PPP1R3B: variants seen among roughly 807,000 people sequenced by gnomAD.
PPP1R3B encodes protein phosphatase 1 regulatory subunit 3B.
PPP1R3B carries 8 observed loss-of-function variants against 14.6 expected under a neutral mutation model. The ratio of observed to expected loss-of-function variants is 0.55; its 90% CI spans 0.32 to 0.99. The LOEUF is 0.99. PPP1R3B is among the 50% of genes least tolerant of loss of function. PPP1R3B has a pLI of 0.04. For synonymous variants in PPP1R3B, 169 were observed against 142.0 expected (o/e 1.19, Z -1.35); for missense variants, 452 against 360.1 (o/e 1.26, Z -2.07).
At chr8:9,147,823 G>A (rs1040564063) in intron 1 of PPP1R3B, among the ~76,000 whole-genome samples, 2 of 151,940 alleles carry the variant, frequency 1.3e-5, no homozygotes, top group Non-Finnish European at 2.9e-5. Context: ...GAGCCAAACT[G>A]CTATTACAAG....
At chr8:9,149,597 A>C (rs1801354786) in intron 1 of PPP1R3B, among the ~76,000 whole-genome samples, 1 of 152,214 alleles carries the variant, frequency 6.6e-6, no homozygotes, top group African/African-American at 2.4e-5. Flanking sequence ...TTCAGTAAAC[A>C]TTCACAACCA....
intron 1 of PPP1R3B, among the ~76,000 whole-genome samples, chr8:9,149,031 C>CAA (rs879335595): frequency 6.1e-4 from 79 of 129,722 alleles, no homozygotes; most frequent in African/African-American, 1.9e-3. Flanking sequence ...ACTAAAAATA[C>CAA]AAAAAAAAAA....
rs756245177 is a variant in PPP1R3B, at chr8:9,141,398, G to A, written c.254C>T (p.Pro85Leu). ...MVKVFSEFDDPLDMPFNITEL... is the reference protein window; with the variant it reads ...MVKVFSEFDDLLDMPFNITEL... ...GGTGATGTTGAATGGCATATCTAGC[G>A]GGTCATCGAATTCCGAGAACACTTT... Residue 85 changes from proline (P) to leucine (L), a missense_variant, in exon 2 of 2, where the codon CCG (proline) becomes CTG (leucine). Transcript: ENST00000310455. The A allele has an allele frequency of 2.2e-5, 36 of 1,614,002 alleles. No homozygotes were observed. The Admixed American group carries it at 3.5e-4, about 16-fold the overall frequency.
At chr8:9,143,423 G>C (rs1286682556) in intron 1 of PPP1R3B, among the ~76,000 whole-genome samples, 1 of 152,118 alleles carries the variant, frequency 6.6e-6, no homozygotes, top group Non-Finnish European at 1.5e-5. Flanking sequence ...GAACCAGCAG[G>C]CCTGGGCGGT....
At position 9,137,931 on chromosome 8, in the gene PPP1R3B, G is replaced by A. The variant is rs772699450; in HGVS notation, c.*2863C>T. ...GGGAGGGTTTACGGCTGCTTTAGAA[G>A]AGATAGTTATCACTGAATTACCATA... On this transcript the variant is annotated 3_prime_UTR_variant, in exon 2 of 2. Transcript: ENST00000310455. 11 of 152,164 alleles carry A rather than the reference G, an allele frequency of 7.2e-5. No individual in the cohort carries two copies. The highest frequency in any genetic ancestry group is 2.7e-4 in the African/African-American group (11 of 41,440). 9.4% of individuals were successfully genotyped at this position (152,164 alleles called of 1,614,324 possible).
At chr8:9,144,221 T>A (rs1393496073) in intron 1 of PPP1R3B, among the ~76,000 whole-genome samples, 1 of 151,014 alleles carries the variant, frequency 6.6e-6, no homozygotes, top group Non-Finnish European at 1.5e-5. Context: ...TGGGTCTTAC[T>A]CTGTCACCTA....
intron 1 of PPP1R3B, among the ~76,000 whole-genome samples, chr8:9,145,703 A>G (rs1801221570): frequency 6.6e-6 from 1 of 152,232 alleles, no homozygotes; most frequent in Non-Finnish European, 1.5e-5. Flanking sequence ...ATTTAAAATC[A>G]GAATACCTAG....
chr8:9,143,837 G>A (rs1801159025), intron 1 of PPP1R3B, among the ~76,000 whole-genome samples: 3 of 152,108 alleles, frequency 2.0e-5, no homozygotes, highest in Admixed American at 2.0e-4. Flanking sequence ...TGCTGAAAGA[G>A]GATAAATCTG....
At chr8:9,150,523 A>G (rs1432340991) in intron 1 of PPP1R3B, 40 bp downstream of exon 1, 1 of 152,428 alleles carries the variant, frequency 6.6e-6, no homozygotes, top group African/African-American at 2.4e-5. Flanking sequence ...CTCCGCCCCC[A>G]ACCTCCCTAC....
chr8:9,142,165 C>A (rs1395646451), intron 1 of PPP1R3B: 1 of 155,130 alleles, frequency 6.4e-6, no homozygotes, highest in African/African-American at 2.4e-5. Flanking sequence ...GGCGTGAGCA[C>A]AGCTCACTGC....
chr8:9,141,097 G>A lies in PPP1R3B; in HGVS notation c.555C>T (p.Ala185=), dbSNP rs779388280. The A allele has an allele frequency of 1.1e-5, 18 of 1,614,028 alleles. No homozygotes were observed. The highest frequency in any genetic ancestry group is 1.6e-4 in the Middle Eastern group (1 of 6,084). ...FPCQYVKDTY[A]GSDRDTFSFD... ...AGGAGAACGTGTCCCTGTCTGAACCGGCATAAGTGTCCTTCACGTACTGAC... is the reference window on the plus strand; with the variant it reads ...AGGAGAACGTGTCCCTGTCTGAACCAGCATAAGTGTCCTTCACGTACTGAC... Residue 185 remains alanine, a synonymous_variant, in exon 2 of 2, where the codon GCC becomes GCT. Coordinates refer to ENST00000310455, the MANE Select transcript of PPP1R3B (RefSeq NM_024607.4).
At chr8:9,150,332 C>T (rs964405432) in intron 1 of PPP1R3B, among the ~76,000 whole-genome samples, 4 of 152,160 alleles carry the variant, frequency 2.6e-5, no homozygotes, top group Non-Finnish European at 4.4e-5. Flanking sequence ...TCTGACAGGC[C>T]CCAAATCTTC....
chr8:9,142,314 C>T (rs377620693), intron 1 of PPP1R3B: 2 of 152,636 alleles, frequency 1.3e-5, no homozygotes, highest in Non-Finnish European at 1.5e-5. Flanking sequence ...CCAGGCTGGT[C>T]TCACACTCCT....
chr8:9,145,682 T>TA (rs985069310), intron 1 of PPP1R3B, among the ~76,000 whole-genome samples: 1 of 152,180 alleles, frequency 6.6e-6, no homozygotes, highest in African/African-American at 2.4e-5. Context: ...GAAAAAAGAC[T>TA]AGAGATATAT....
rs572056321 is a variant in PPP1R3B, at chr8:9,149,424, A to T, written c.-18+1139T>A. On this transcript the variant is annotated intron_variant, in intron 1 of 1. Transcript: ENST00000310455. ...AGGCCGAGGCAGGAGAATGGCGTGAACCCGGGAGGCGGAGCTTACAATGAG... is the reference window on the plus strand; with the variant it reads ...AGGCCGAGGCAGGAGAATGGCGTGATCCCGGGAGGCGGAGCTTACAATGAG... 7.9e-5 allele frequency among the ~76,000 whole-genome samples: 12 copies of T among 151,892 alleles called. No individual in the cohort carries two copies. In the South Asian group the frequency reaches 2.3e-3, roughly 29 times the overall value.
intron 1 of PPP1R3B, among the ~76,000 whole-genome samples, chr8:9,146,750 AATGATCTGTTCTT>A (rs1195887018): frequency 6.6e-6 from 1 of 152,130 alleles, no homozygotes; most frequent in Non-Finnish European, 1.5e-5. Context: ...ATTTGCTTTC[AATGATCTGTTCTT>A]ATAGCCACGT....
At position 9,137,934 on chromosome 8, in the gene PPP1R3B, A is replaced by G. The variant is rs1800944342; in HGVS notation, c.*2860T>C. 1 of 152,180 alleles carries G rather than the reference A, an allele frequency of 6.6e-6. No individual in the cohort carries two copies. The highest frequency in any genetic ancestry group is 2.4e-5 in the African/African-American group (1 of 41,440). 9.4% of individuals were successfully genotyped at this position (152,180 alleles called of 1,614,324 possible). ...AGGGTTTACGGCTGCTTTAGAAGAG[A>G]TAGTTATCACTGAATTACCATATTT... is the stretch of plus-strand genomic sequence containing the variant. On this transcript the variant is annotated 3_prime_UTR_variant, in exon 2 of 2. Coordinates refer to ENST00000310455, the MANE Select transcript of PPP1R3B (RefSeq NM_024607.4).
At position 9,137,349 on chromosome 8, in the gene PPP1R3B, G is replaced by T. The variant is rs899178745; in HGVS notation, c.*3445C>A. 6.6e-6 allele frequency: 1 copy of T among 152,172 alleles called. No individual in the cohort carries two copies. The highest frequency in any genetic ancestry group is 2.4e-5 in the African/African-American group (1 of 41,442). The allele number at this position is 152,172 out of a possible 1,614,324, so 9.4% of individuals were successfully genotyped here. On this transcript the variant is annotated 3_prime_UTR_variant, in exon 2 of 2. Coordinates refer to ENST00000310455, the MANE Select transcript of PPP1R3B (RefSeq NM_024607.4). ...AAATGAAGTTGCTTCCCTATTGCCGGACAACTGCACCTGTGACAGGTGGCT... is the reference window on the plus strand; with the variant it reads ...AAATGAAGTTGCTTCCCTATTGCCGTACAACTGCACCTGTGACAGGTGGCT...
At chr8:9,150,166 C>T (rs892001527) in intron 1 of PPP1R3B, among the ~76,000 whole-genome samples, 2 of 152,194 alleles carry the variant, frequency 1.3e-5, no homozygotes, top group Admixed American at 6.5e-5. Flanking sequence ...CCTCCTCTTC[C>T]TCCCAGACCA....
Sources: allele counts gnomAD v4.1 joint callset (sites outside exome capture counted in the v4.1 genomes callset), GRCh38; gene constraint gnomAD v4.1.1; transcripts MANE v1.5; gene names NCBI Gene and HGNC (gene_info 2026-07-23, HGNC 2026-07-21).